The following HOMER2 variants were observed in gnomAD, a reference collection of about 807,000 sequenced individuals.
HOMER2 encodes homer scaffold protein 2.
A neutral mutation model predicts 47.0 loss-of-function variants in HOMER2; 27 were observed. That is an observed-to-expected ratio of 0.57 (90% CI 0.42 to 0.79). The LOEUF is 0.79. Among genes scored for constraint, HOMER2 ranks in the 30% least tolerant of loss-of-function variants. The pLI is 0.00. For synonymous variants in HOMER2, 161 were observed against 163.8 expected, an observed-to-expected ratio of 0.98 and a Z score of 0.13; for missense variants, 443 against 435.0, an observed-to-expected ratio of 1.02 and a Z score of -0.16.
At chr15:82,979,905 T>C (rs1297690942) in intron 1 of HOMER2, among the ~76,000 whole-genome samples, 2 of 152,104 alleles carry the variant, frequency 1.3e-5, no homozygotes, top group Non-Finnish European at 2.9e-5. Flanking sequence ...AGCTCATATG[T>C]GATGGATGGC....
Position 82,849,688 on chromosome 15 carries a change from C to CG in HOMER2, c.*26dup. ...GTCTCGCACACACGCTTGGGACTCA[C>CG]GGGCGGGGCCTGGGCCTCGGCCAGC... On this transcript the variant is annotated 3_prime_UTR_variant, in exon 9 of 9. Coordinates refer to ENST00000450735, the MANE Select transcript of HOMER2 (RefSeq NM_004839.4). The CG allele has an allele frequency of 1.9e-6, 3 of 1,600,042 alleles. No homozygotes were observed. The South Asian group carries it at 3.4e-5, about 18-fold the overall frequency.
rs2051388748 is a variant in HOMER2 at position 82,851,343 on chromosome 15, T to A, written c.763-112A>T. 5.6e-6 allele frequency: 4 copies of A among 717,120 alleles called. 1 individual carries two copies. Among genetic ancestry groups the A allele is most frequent in the Middle Eastern group, 4.6e-4 (2 of 4,312 alleles). The allele number at this position is 717,120 out of a possible 1,614,324, so 44.4% of individuals were successfully genotyped here. A position where few individuals can be genotyped will look rare whatever the true frequency, so the allele number is the denominator to read the frequency against. On this transcript the variant is annotated intron_variant, in intron 7 of 8. Coordinates refer to ENST00000450735, the MANE Select transcript of HOMER2 (RefSeq NM_004839.4). Reference sequence around the variant, plus strand: ...AAGCAGCTTTGGGACCCTGTCCTGTTTGCATAGACAGTGATAGTGACCATG... The same window carrying A: ...AAGCAGCTTTGGGACCCTGTCCTGTATGCATAGACAGTGATAGTGACCATG...
At chr15:82,894,563 C>G (rs1230605258) in intron 1 of HOMER2, among the ~76,000 whole-genome samples, 2 of 150,596 alleles carry the variant, frequency 1.3e-5, no homozygotes, top group East Asian at 3.9e-4. Context: ...CCCAGCTACT[C>G]GGGAGGCTGA....
chr15:82,938,920 G>A (rs1274076527), intron 1 of HOMER2, among the ~76,000 whole-genome samples: 3 of 152,088 alleles, frequency 2.0e-5, no homozygotes, highest in Non-Finnish European at 4.4e-5. Context: ...GCCTTCCTCT[G>A]AGTCTCATCA....
At chr15:82,851,326 T>G (rs139978273) in intron 7 of HOMER2, 95 bp from the exon 8 acceptor site, 33 of 815,824 alleles carry the variant, frequency 4.0e-5, no homozygotes, top group Middle Eastern at 4.4e-4. Flanking sequence ...GGAAGCAGCT[T>G]TGGGACCCTG....
chr15:82,853,375 C>G (rs752147018), intron 6 of HOMER2, among the ~76,000 whole-genome samples: 6 of 152,214 alleles, frequency 3.9e-5, no homozygotes, highest in Non-Finnish European at 8.8e-5. Context: ...TGCCAGGCCT[C>G]GGGTGGGAAC....
At chr15:82,893,367 C>G (rs542708426) in intron 1 of HOMER2, among the ~76,000 whole-genome samples, 29 of 128,708 alleles carry the variant, frequency 2.3e-4, no homozygotes, top group Non-Finnish European at 4.0e-4. Flanking sequence ...GAGTCTCGCT[C>G]TGTTGCCCAG....
intron 1 of HOMER2, among the ~76,000 whole-genome samples, chr15:82,899,211 T>TC (rs1277685665): frequency 1.3e-5 from 2 of 152,380 alleles, no homozygotes; most frequent in East Asian, 3.8e-4. Flanking sequence ...ATCTGTACTT[T>TC]CACACATCCC....
chr15:82,928,220 C>T (rs1052562521), intron 1 of HOMER2, among the ~76,000 whole-genome samples: 3 of 152,154 alleles, frequency 2.0e-5, no homozygotes, highest in Non-Finnish European at 4.4e-5. Flanking sequence ...ACGCAGCTCT[C>T]TTCCCACTGG....
chr15:82,923,635 A>G (rs935749158), intron 1 of HOMER2, among the ~76,000 whole-genome samples: 1 of 152,192 alleles, frequency 6.6e-6, no homozygotes, highest in African/African-American at 2.4e-5. Context: ...TGGACAGTAC[A>G]GGGAGCTGAG....
At position 82,978,886 on chromosome 15, in the gene HOMER2, A is replaced by G. The variant is rs150187498; in HGVS notation, n.82+6901T>C. ...CAGGTGTGTGCCACCACACCCAGCTAATTTTTGTATTTTTAGTAGAGACCG... is the reference window on the plus strand; with the variant it reads ...CAGGTGTGTGCCACCACACCCAGCTGATTTTTGTATTTTTAGTAGAGACCG... On this transcript the variant is annotated intron_variant and non_coding_transcript_variant, in intron 1 of 1. Transcript: ENST00000500334. Among the ~76,000 whole-genome samples the G allele has an allele frequency of 4.8e-3, 727 of 152,160 alleles. 3 individuals carry two copies. The highest frequency in any genetic ancestry group is 0.01 in the Middle Eastern group (3 of 294).
intron 1 of HOMER2, among the ~76,000 whole-genome samples, chr15:82,909,397 G>C (rs1480655757): frequency 6.6e-6 from 1 of 152,162 alleles, no homozygotes; most frequent in Admixed American, 6.5e-5. Flanking sequence ...GGGTTGGACT[G>C]CACAGTCTAA....
At chr15:82,917,978 A>G (rs931472564) in intron 1 of HOMER2, among the ~76,000 whole-genome samples, 3 of 152,142 alleles carry the variant, frequency 2.0e-5, no homozygotes, top group African/African-American at 7.2e-5. Context: ...AGAGCCCTGC[A>G]GGACTGGGTC....
chr15:82,913,241 G>T lies in HOMER2; in HGVS notation c.6-20400C>A, dbSNP rs1226653941. On this transcript the variant is annotated intron_variant, in intron 1 of 8. Coordinates refer to ENST00000450735, the MANE Select transcript of HOMER2 (RefSeq NM_004839.4). The surrounding 1 kb of genome is among the most constrained non-coding windows in gnomAD (Gnocchi z 4.1). ...GCTCAGCATCCCTGTGCCCTGGAGA[G>T]GGTGGTTATGGCAGCCACCAGTGCC... is the stretch of plus-strand genomic sequence containing the variant. 6.6e-6 allele frequency among the ~76,000 whole-genome samples: 1 copy of T among 152,112 alleles called. No homozygotes were observed. The highest frequency in any genetic ancestry group is 6.6e-5 in the Admixed American group (1 of 15,266).
intron 4 of HOMER2, 60 bp from the exon 5 acceptor site, chr15:82,859,195 G>T: frequency 6.2e-7 from 1 of 1,609,446 alleles, no homozygotes; most frequent in Non-Finnish European, 8.5e-7. Flanking sequence ...ATCTTCACAC[G>T]TTATTGCTTG....
chr15:82,856,567 TATG>T (rs748590787), intron 5 of HOMER2, among the ~76,000 whole-genome samples: 3 of 152,188 alleles, frequency 2.0e-5, no homozygotes, highest in African/African-American at 4.8e-5. Flanking sequence ...TGTAGTAAGC[TATG>T]ATGACACCAC....
At chr15:82,925,723 T>C (rs2053838827) in intron 1 of HOMER2, among the ~76,000 whole-genome samples, 2 of 152,158 alleles carry the variant, frequency 1.3e-5, no homozygotes, top group South Asian at 4.1e-4. Context: ...GTTAGATACC[T>C]ATTATTTGCT....
intron 2 of HOMER2, among the ~76,000 whole-genome samples, chr15:82,881,816 T>TA (rs2052530178): frequency 6.6e-6 from 1 of 152,212 alleles, no homozygotes; most frequent in African/African-American, 2.4e-5. Flanking sequence ...GGATGACCTC[T>TA]AAGGTCTCTT....
chr15:82,892,291 G>C (rs1567036029), intron 2 of HOMER2, among the ~76,000 whole-genome samples: 1 of 152,046 alleles, frequency 6.6e-6, no homozygotes, highest in Non-Finnish European at 1.5e-5. Flanking sequence ...TTAATATCTT[G>C]CCCCATAATA....
Sources: allele counts gnomAD v4.1 joint callset (sites outside exome capture counted in the v4.1 genomes callset), GRCh38; gene constraint gnomAD v4.1.1; non-coding constraint Gnocchi (gnomAD v3.1); transcripts MANE v1.5; gene names NCBI Gene and HGNC (gene_info 2026-07-23, HGNC 2026-07-21).